The following MAP2K4 variants were observed in gnomAD, a reference collection of about 807,000 sequenced individuals.
The protein encoded by MAP2K4 is dual specificity mitogen-activated protein kinase kinase 4.
Under a neutral mutation model 48.5 loss-of-function variants are expected in MAP2K4, and 4 were observed. The observed-to-expected ratio is 0.08, with a 90% confidence interval of 0.04 to 0.19. The LOEUF (loss-of-function observed/expected upper bound fraction) is 0.19. Ranked by LOEUF, MAP2K4 falls within the 10% of genes least tolerant of loss-of-function variation. The pLI, the probability that MAP2K4 is intolerant of heterozygous loss-of-function variation, is 1.00. For missense variants in MAP2K4, 258 were observed against 493.3 expected (o/e 0.52, Z 4.52); for synonymous variants, 166 against 173.1 (o/e 0.96, Z 0.32).
chr17:12,076,279 CTGTGTGTGTGTGTGTGTG>C (rs372806903), intron 2 of MAP2K4, among the ~76,000 whole-genome samples: 17 of 135,252 alleles, frequency 1.3e-4, no homozygotes, highest in Middle Eastern at 3.8e-3. Context: ...TGTCACAGTT[CTGTGTGTGTGTGTGTGTG>C]TGTGTGTGTG....
chr17:12,079,543 G>A (rs1207572300), intron 2 of MAP2K4, among the ~76,000 whole-genome samples: 1 of 152,138 alleles, frequency 6.6e-6, no homozygotes, highest in Non-Finnish European at 1.5e-5. Flanking sequence ...AGAAGGTGGG[G>A]ATCATGAGGA....
chr17:12,118,183 T>C (rs549699903), intron 7 of MAP2K4, among the ~76,000 whole-genome samples: 202 of 152,306 alleles, frequency 1.3e-3, no homozygotes, highest in Non-Finnish European at 1.7e-3. Context: ...CCAGGGTTAT[T>C]GATGATGAAA....
At chr17:12,062,307 C>A (rs1307290790) in intron 2 of MAP2K4, among the ~76,000 whole-genome samples, 1 of 152,076 alleles carries the variant, frequency 6.6e-6, no homozygotes. Flanking sequence ...AATTATTTCT[C>A]AAGCTTTTTG....
chr17:12,057,166 A>G (rs535481492), intron 2 of MAP2K4, among the ~76,000 whole-genome samples: 1 of 152,270 alleles, frequency 6.6e-6, no homozygotes, highest in East Asian at 1.9e-4. Context: ...AGAAATGACA[A>G]TTGGCTGTCG....
At chr17:12,132,237 A>T (rs984829729) in intron 9 of MAP2K4, among the ~76,000 whole-genome samples, 5 of 152,238 alleles carry the variant, frequency 3.3e-5, no homozygotes, top group African/African-American at 1.2e-4. Context: ...TCAAGTTCTG[A>T]CTATATACCC....
intron 3 of MAP2K4, among the ~76,000 whole-genome samples, chr17:12,083,813 A>G (rs937218468): frequency 6.6e-6 from 1 of 152,226 alleles, no homozygotes; most frequent in African/African-American, 2.4e-5. Context: ...ACAGGCACAA[A>G]TATACAGAAT....
chr17:12,104,998 T>C (rs907103683), intron 4 of MAP2K4, among the ~76,000 whole-genome samples: 3 of 152,204 alleles, frequency 2.0e-5, no homozygotes, highest in Non-Finnish European at 4.4e-5. Flanking sequence ...ATTCTTTTGC[T>C]ATGATCTGCT....
intron 3 of MAP2K4, among the ~76,000 whole-genome samples, chr17:12,090,242 G>C (rs938882879): frequency 6.6e-6 from 1 of 152,178 alleles, no homozygotes; most frequent in African/African-American, 2.4e-5. Context: ...AAGGAAAACT[G>C]GGTTATTTGG....
chr17:12,141,969 C>T lies in MAP2K4; in HGVS notation c.*709C>T, dbSNP rs1396920620. The T allele has an allele frequency of 4.3e-6, 1 of 232,954 alleles. No individual in the cohort carries two copies. The highest frequency in any genetic ancestry group is 8.5e-6 in the Non-Finnish European group (1 of 117,798). 14.4% of individuals were successfully genotyped at this position (232,954 alleles called of 1,614,324 possible). On this transcript the variant is annotated 3_prime_UTR_variant, in exon 11 of 11. Transcript: ENST00000353533. The stretch of plus-strand genomic sequence containing the variant: ...CAGAATGTGTTCTTTTCTCCTTTAC[C>T]AGTCCTATTTTTCAATGGGAAGACT...
chr17:12,024,880 T>C (rs1318490378), intron 1 of MAP2K4, among the ~76,000 whole-genome samples: 1 of 152,188 alleles, frequency 6.6e-6, no homozygotes, highest in African/African-American at 2.4e-5. Context: ...CTCGTGACTT[T>C]AGCTGGGTTA....
intron 7 of MAP2K4, among the ~76,000 whole-genome samples, chr17:12,117,369 T>G (rs1972536036): frequency 6.6e-6 from 1 of 151,778 alleles, no homozygotes; most frequent in Non-Finnish European, 1.5e-5. Context: ...ACATTCAAAA[T>G]GCAGGTGCAC....
At chr17:12,069,180 A>G (rs560204454) in intron 2 of MAP2K4, among the ~76,000 whole-genome samples, 5 of 152,018 alleles carry the variant, frequency 3.3e-5, no homozygotes, top group Non-Finnish European at 7.4e-5. Context: ...GTTGGCAAAA[A>G]CTCCTGAGAT....
intron 1 of MAP2K4, among the ~76,000 whole-genome samples, chr17:12,037,044 A>G (rs1322896522): frequency 6.6e-6 from 1 of 152,106 alleles, no homozygotes. Context: ...TTAAAAAATG[A>G]TTTAACTTGG....
At chr17:12,085,173 C>T (rs1284316378) in intron 3 of MAP2K4, among the ~76,000 whole-genome samples, 2 of 151,960 alleles carry the variant, frequency 1.3e-5, no homozygotes, top group Admixed American at 1.3e-4. Flanking sequence ...GTGCGAAAAA[C>T]CAAAGAAACG....
At chr17:12,086,226 C>T (rs1293737550) in intron 3 of MAP2K4, among the ~76,000 whole-genome samples, 3 of 152,100 alleles carry the variant, frequency 2.0e-5, no homozygotes, top group East Asian at 3.9e-4. Flanking sequence ...CTTAGGCCGT[C>T]GTTCGGTCAG....
chr17:12,132,458 AAGAC>A (rs1371189769), intron 9 of MAP2K4, among the ~76,000 whole-genome samples: 1 of 152,228 alleles, frequency 6.6e-6, no homozygotes, highest in Non-Finnish European at 1.5e-5. Flanking sequence ...TGAGTGAAAG[AAGAC>A]AGAAAGCAGT....
chr17:12,048,208 A>G (rs989659175), intron 1 of MAP2K4, among the ~76,000 whole-genome samples: 2 of 152,104 alleles, frequency 1.3e-5, no homozygotes, highest in African/African-American at 4.8e-5. Flanking sequence ...GCCCAACGAA[A>G]CAGTCTTTGT....
At chr17:12,141,076 A>G in intron 10 of MAP2K4, 71 bp from the exon 11 acceptor site, 1 of 910,364 alleles carries the variant, frequency 1.1e-6, no homozygotes, top group East Asian at 2.4e-5. Flanking sequence ...TATGTTCTAT[A>G]GAAATTGGAA....
intron 2 of MAP2K4, among the ~76,000 whole-genome samples, chr17:12,060,752 CGT>C (rs952878878): frequency 2.0e-4 from 27 of 135,344 alleles, no homozygotes; most frequent in Admixed American, 7.5e-4. Flanking sequence ...TGTGTGCGCG[CGT>C]GTGTGTGTGT....
Sources: gnomAD v4.1 joint callset for allele counts (sites outside exome capture counted in the v4.1 genomes callset) on GRCh38, gnomAD v4.1.1 for gene constraint, MANE v1.5 for transcripts, NCBI Gene and HGNC (gene_info 2026-07-23, HGNC 2026-07-21) for gene names.